Variants in FAM220A observed in about 807,000 individuals in gnomAD.
FAM220A encodes protein FAM220A.
For missense variants in FAM220A, 392 were observed against 321.6 expected (o/e 1.22, Z -1.68); for synonymous variants, 141 against 130.7 (o/e 1.08, Z -0.54).
At position 6,343,074 on chromosome 7, in the gene FAM220A, G is replaced by A. The variant is rs1781894097; in HGVS notation, c.-82+5499C>T. On this transcript the variant is annotated intron_variant, in intron 1 of 1. Transcript: ENST00000313324. ...GAAAAAAGAAAGAAAGAAAGAGGAA[G>A]AGAAAAGAAAAGAAAAAATTGGCCA... 4.0e-5 allele frequency among the ~76,000 whole-genome samples: 6 copies of A among 149,532 alleles called. No individual in the cohort carries two copies. The South Asian group carries it at 1.3e-3, about 32-fold the overall frequency.
intron 1 of FAM220A, among the ~76,000 whole-genome samples, chr7:6,343,803 G>A (rs1046490154): frequency 1.6e-4 from 25 of 152,046 alleles, no homozygotes; most frequent in Non-Finnish European, 3.5e-4. Context: ...CTAGGGAGGA[G>A]GGGCTCCCTA....
At chr7:6,344,624 G>T (rs1437756978) in intron 1 of FAM220A, among the ~76,000 whole-genome samples, 1 of 152,074 alleles carries the variant, frequency 6.6e-6, no homozygotes, top group East Asian at 1.9e-4. Context: ...TCGCCCTGTT[G>T]CCCAGGCTGG....
rs1562444128 is a variant in FAM220A at position 6,331,127 on chromosome 7, T to C, written c.28A>G (p.Thr10Ala). MRDRRGPLG[T>A]CLAQVQQAGG... ...GCCTGCTGCACTTGTGCCAGGCAGG[T>C]GCCGAGGGGCCCTCTTCTGTCCCTC... Residue 10 changes from threonine (T) to alanine (A), a missense_variant, in exon 2 of 2, where the codon ACC becomes GCC. By Grantham distance (58) the Thr-to-Ala change is moderately conservative. Coordinates refer to ENST00000313324, the MANE Select transcript of FAM220A (RefSeq NM_001037163.2). 6.2e-7 allele frequency: 1 copy of C among 1,613,102 alleles called. No homozygotes were observed. Among genetic ancestry groups the C allele is most frequent in the Non-Finnish European group, 8.5e-7 (1 of 1,179,916 alleles).
intron 1 of FAM220A, among the ~76,000 whole-genome samples, chr7:6,342,142 T>A (rs578228996): frequency 2.6e-5 from 4 of 152,196 alleles, no homozygotes; most frequent in Non-Finnish European, 4.4e-5. Flanking sequence ...TAGGTTGGTA[T>A]ACCAAGCAGA....
chr7:6,332,256 G>C (rs972306652), intron 1 of FAM220A, among the ~76,000 whole-genome samples: 1 of 151,954 alleles, frequency 6.6e-6, no homozygotes, highest in Non-Finnish European at 1.5e-5. Context: ...TTACAACTCT[G>C]TCATTTGCCC....
At chr7:6,342,028 T>C (rs1447183520) in intron 1 of FAM220A, 2 of 151,868 alleles carry the variant, frequency 1.3e-5, no homozygotes, top group Non-Finnish European at 2.9e-5. Context: ...CTGAAAACCT[T>C]TGATTCAAGA....
At chr7:6,334,431 G>C (rs1781705741) in intron 1 of FAM220A, among the ~76,000 whole-genome samples, 1 of 151,810 alleles carries the variant, frequency 6.6e-6, no homozygotes, top group Admixed American at 6.6e-5. Context: ...TGCTACTCGG[G>C]AGGGTGAGGC....
chr7:6,337,709 GAATA>G (rs1781773655), intron 1 of FAM220A, among the ~76,000 whole-genome samples: 1 of 151,568 alleles, frequency 6.6e-6, no homozygotes, highest in Non-Finnish European at 1.5e-5. Flanking sequence ...AATCATGATA[GAATA>G]AATTGTCCCC....
At position 6,344,622 on chromosome 7, in the gene FAM220A, T is replaced by C. The variant is rs1404336717; in HGVS notation, c.-82+3951A>G. ...TTTGTAGAGACGGAGTTTCGCCCTG[T>C]TGCCCAGGCTGGTCTCAAACTCCTC... On this transcript the variant is annotated intron_variant, in intron 1 of 1. Transcript: ENST00000313324. Among the ~76,000 whole-genome samples, 3 of 152,168 alleles carry C rather than the reference T, an allele frequency of 2.0e-5. No homozygotes were observed. In the East Asian group the frequency reaches 5.8e-4, roughly 29 times the overall value.
intron 1 of FAM220A, among the ~76,000 whole-genome samples, chr7:6,333,857 T>C (rs1448439166): frequency 6.7e-6 from 1 of 148,680 alleles, no homozygotes; most frequent in African/African-American, 2.5e-5. Flanking sequence ...TTTTTTTTTT[T>C]TTTTGAGACA....
intron 1 of FAM220A, among the ~76,000 whole-genome samples, chr7:6,333,106 G>A (rs535689174): frequency 9.3e-5 from 14 of 150,180 alleles, no homozygotes; most frequent in African/African-American, 3.2e-4. Flanking sequence ...GCAGTGAGCC[G>A]AGATCCCACC....
At chr7:6,331,890 G>T (rs1781643746) in intron 1 of FAM220A, among the ~76,000 whole-genome samples, 1 of 151,912 alleles carries the variant, frequency 6.6e-6, no homozygotes, top group South Asian at 2.1e-4. Flanking sequence ...ACAGGTGCCT[G>T]CCACCATGCC....
chr7:6,336,952 C>T (rs775556763), intron 1 of FAM220A, among the ~76,000 whole-genome samples: 1 of 152,024 alleles, frequency 6.6e-6, no homozygotes, highest in Non-Finnish European at 1.5e-5. Context: ...CCATGGCTGG[C>T]CATATTCTTT....
intron 1 of FAM220A, among the ~76,000 whole-genome samples, chr7:6,331,506 G>A (rs943829316): frequency 9.9e-5 from 15 of 151,026 alleles, no homozygotes; most frequent in Admixed American, 6.6e-4. Context: ...TTGCTCTGTC[G>A]CCCACGCTGG....
chr7:6,343,396 TCATATATATATATATATATA>T (rs1336336593), intron 1 of FAM220A, among the ~76,000 whole-genome samples: 6 of 76,904 alleles, frequency 7.8e-5, no homozygotes, highest in African/African-American at 3.2e-4. Context: ...AATAATAATT[TCATATATATATATATATATA>T]TATATATATA....
rs1447357559 is a variant in FAM220A at position 6,336,971 on chromosome 7, AC to A, written c.-81-5737del. Among the ~76,000 whole-genome samples the A allele has an allele frequency of 3.9e-5, 6 of 151,958 alleles. No individual in the cohort carries two copies. The South Asian group carries it at 1.0e-3, about 26-fold the overall frequency. ...GGCTGGCCATATTCTTTCAAACCTT[AC>A]ATTTATTTTGCTGATGAAAATGTGC... On this transcript the variant is annotated intron_variant, in intron 1 of 1. Transcript: ENST00000313324.
intron 1 of FAM220A, among the ~76,000 whole-genome samples, chr7:6,339,933 G>T (rs1466233223): frequency 6.6e-6 from 1 of 151,976 alleles, no homozygotes; most frequent in African/African-American, 2.4e-5. Context: ...CGCCCAGGCT[G>T]GAGTGCAGCT....
intron 1 of FAM220A, among the ~76,000 whole-genome samples, chr7:6,332,562 A>T (rs188655709): frequency 3.9e-4 from 60 of 152,224 alleles, no homozygotes; most frequent in African/African-American, 1.4e-3. Context: ...TCATGCTTAT[A>T]AACTCAGCAG....
At chr7:6,347,003 T>A (rs1372474019) in intron 1 of FAM220A, among the ~76,000 whole-genome samples, 2 of 152,132 alleles carry the variant, frequency 1.3e-5, no homozygotes, top group Non-Finnish European at 2.9e-5. Context: ...GAAAGAATTC[T>A]CGAGTTGACA....
Sources: gnomAD v4.1 joint callset for allele counts (sites outside exome capture counted in the v4.1 genomes callset) on GRCh38, gnomAD v4.1.1 for gene constraint, MANE v1.5 for transcripts, NCBI Gene and HGNC (gene_info 2026-07-23, HGNC 2026-07-21) for gene names.